The following FAM135A variants were observed in gnomAD, a reference collection of about 807,000 sequenced individuals.
The protein encoded by FAM135A is protein FAM135A.
In FAM135A, 79 loss-of-function variants were observed where a neutral mutation model predicts 146.8. The ratio of observed to expected loss-of-function variants is 0.54; its 90% CI spans 0.45 to 0.65. The LOEUF (loss-of-function observed/expected upper bound fraction) is 0.65. FAM135A is among the 30% of genes least tolerant of loss of function. The pLI is 0.00. For synonymous variants in FAM135A, 562 were observed against 603.6 expected (o/e 0.93, Z 1.01); for missense variants, 1,623 against 1,758.2 (o/e 0.92, Z 1.38).
chr6:70,434,494 T>C (rs1772492811), intron 4 of FAM135A, among the ~76,000 whole-genome samples: 1 of 151,762 alleles, frequency 6.6e-6, no homozygotes, highest in Non-Finnish European at 1.5e-5. Flanking sequence ...TCATTAAATT[T>C]TGCTACCAAA....
chr6:70,444,571 AAAAG>A (rs1313007957), intron 4 of FAM135A, among the ~76,000 whole-genome samples: 1 of 150,908 alleles, frequency 6.6e-6, no homozygotes, highest in African/African-American at 2.5e-5. Flanking sequence ...CTCAATAAGA[AAAAG>A]AATAAAAGAA....
chr6:70,496,855 A>G (rs886843840), intron 11 of FAM135A, among the ~76,000 whole-genome samples: 3 of 150,178 alleles, frequency 2.0e-5, no homozygotes, highest in Admixed American at 6.7e-5. Context: ...GTTCTGTTCC[A>G]TTGGTCTATG....
chr6:70,521,320 T>G (rs1793529704), intron 12 of FAM135A, among the ~76,000 whole-genome samples: 2 of 116,846 alleles, frequency 1.7e-5, no homozygotes, highest in Admixed American at 7.9e-5. Flanking sequence ...TAAAGATGCG[T>G]TTTTTTCATG....
At position 70,486,332 on chromosome 6, in the gene FAM135A, G is replaced by A. The variant is rs565361768; in HGVS notation, c.823+4178G>A. ...TAAATTAGCATCAGATTTCATAAAT[G>A]TATATTTAATAATGTGGTATGTTTC... On this transcript the variant is annotated intron_variant, in intron 10 of 21. Transcript: ENST00000418814. 2.8e-5 allele frequency: 31 copies of A among 1,095,054 alleles called. No individual in the cohort carries two copies. In the African/African-American group the frequency reaches 3.5e-4, roughly 12 times the overall value. 67.8% of individuals were successfully genotyped at this position (1,095,054 alleles called of 1,614,324 possible). A position where few individuals can be genotyped will look rare whatever the true frequency, so the allele number is the denominator to read the frequency against.
chr6:70,511,100 A>G (rs1434800093), intron 12 of FAM135A, among the ~76,000 whole-genome samples: 1 of 151,970 alleles, frequency 6.6e-6, no homozygotes, highest in Non-Finnish European at 1.5e-5. Context: ...ATGTGTATTC[A>G]GGTCCTTTCC....
intron 11 of FAM135A, among the ~76,000 whole-genome samples, chr6:70,497,801 G>A (rs750199659): frequency 2.4e-4 from 36 of 152,168 alleles, no homozygotes; most frequent in Non-Finnish European, 4.7e-4. Context: ...TGTTGAACCA[G>A]CCTTGCATCT....
chr6:70,528,420 T>A lies in FAM135A; in HGVS notation c.3743T>A (p.Val1248Glu). 6.2e-7 allele frequency: 1 copy of A among 1,611,844 alleles called. No individual in the cohort carries two copies. Among genetic ancestry groups the A allele is most frequent in the East Asian group, 2.2e-5 (1 of 44,818 alleles). ...VEEEDGSEDG[V>E]HLIVCVHGLD... ...GAAGAGGATGGTTCTGAAGATGGAG[T>A]ACATCTGATTGTCTGTGTGCACGGT... The change falls in exon 16 of 22, where the codon GTA (valine) becomes GAA (glutamate). Residue 1248 changes from valine to glutamate, a missense_variant. This residue lies in a region of FAM135A where 1,061 missense variants were observed against 1,113.8 expected (regional missense o/e 0.95). Transcript: ENST00000418814.
At chr6:70,553,679 A>C (rs558563856) in intron 20 of FAM135A, among the ~76,000 whole-genome samples, 1 of 149,714 alleles carries the variant, frequency 6.7e-6, no homozygotes, top group East Asian at 1.9e-4. Context: ...TAAACGTTAC[A>C]ATGAAATCTT....
chr6:70,480,825 A>G, intron 8 of FAM135A, 76 bp from the exon 9 acceptor site: 1 of 1,423,928 alleles, frequency 7.0e-7, no homozygotes, highest in South Asian at 1.6e-5. Flanking sequence ...TTCCTGTAAG[A>G]TTTTCCTTTG....
chr6:70,475,844 C>G, intron 7 of FAM135A, 111 bp downstream of exon 7: 1 of 828,954 alleles, frequency 1.2e-6, no homozygotes, highest in Non-Finnish European at 1.9e-6. Context: ...TTGTCTTGAA[C>G]TACTTGTGTT....
At chr6:70,460,954 G>T (rs1416169168) in intron 5 of FAM135A, among the ~76,000 whole-genome samples, 1 of 151,376 alleles carries the variant, frequency 6.6e-6, no homozygotes, top group Non-Finnish European at 1.5e-5. Context: ...CTCCCGAGTA[G>T]CTGGGATTAT....
At chr6:70,423,219 A>G (rs917805154) in intron 2 of FAM135A, among the ~76,000 whole-genome samples, 4 of 152,210 alleles carry the variant, frequency 2.6e-5, no homozygotes, top group Non-Finnish European at 5.9e-5. Flanking sequence ...GTAGGAGATG[A>G]AGTCAGAGAA....
chr6:70,510,321 C>T (rs1790707626), intron 12 of FAM135A, among the ~76,000 whole-genome samples: 1 of 152,000 alleles, frequency 6.6e-6, no homozygotes, highest in African/African-American at 2.4e-5. Context: ...TAACCATTAA[C>T]AATTTTAATG....
intron 12 of FAM135A, among the ~76,000 whole-genome samples, chr6:70,506,479 A>C (rs73484507): frequency 0.046 from 7,024 of 152,204 alleles, 361 homozygotes; most frequent in African/African-American, 0.11. Context: ...TATATGAATA[A>C]GTGAATGTGG....
chr6:70,523,388 T>C (rs929968719), intron 13 of FAM135A, among the ~76,000 whole-genome samples: 2 of 152,202 alleles, frequency 1.3e-5, no homozygotes, highest in Admixed American at 6.5e-5. Flanking sequence ...AGGGTATATG[T>C]TAACTGTTGA....
At chr6:70,430,222 A>G (rs1771220046) in intron 4 of FAM135A, among the ~76,000 whole-genome samples, 1 of 152,120 alleles carries the variant, frequency 6.6e-6, no homozygotes, top group Non-Finnish European at 1.5e-5. Context: ...CTGTAATCCC[A>G]GCTACTCGGG....
chr6:70,414,070 C>T (rs1200950652), intron 1 of FAM135A: 4 of 984,348 alleles, frequency 4.1e-6, no homozygotes, highest in African/African-American at 1.7e-5. Context: ...TACCCGCTTT[C>T]GTGGTTCTGC....
intron 7 of FAM135A, among the ~76,000 whole-genome samples, chr6:70,476,002 A>T (rs1782571637): frequency 1.3e-5 from 2 of 152,208 alleles, no homozygotes; most frequent in African/African-American, 2.4e-5. Context: ...ATGTAATACC[A>T]CTACCGTGAG....
chr6:70,489,482 G>T (rs117082147), intron 10 of FAM135A, among the ~76,000 whole-genome samples: 1 of 152,172 alleles, frequency 6.6e-6, no homozygotes, highest in East Asian at 1.9e-4. Flanking sequence ...TTATGTTACC[G>T]GGTGGGGTAC....
Sources: gnomAD v4.1 joint callset for allele counts (sites outside exome capture counted in the v4.1 genomes callset) on GRCh38, gnomAD v4.1.1 for gene constraint, gnomAD v4.1.1 regional missense constraint, MANE v1.5 for transcripts, NCBI Gene and HGNC (gene_info 2026-07-23, HGNC 2026-07-21) for gene names.